Variants in GPAT3 observed in about 807,000 individuals in gnomAD.
GPAT3 encodes the protein 1-AGP acyltransferase 9.
In GPAT3, 53 loss-of-function variants were observed where a neutral mutation model predicts 58.8. The observed-to-expected ratio is 0.90, with a 90% confidence interval of 0.72 to 1.13. The LOEUF (loss-of-function observed/expected upper bound fraction) is 1.13. Ranked by LOEUF, GPAT3 falls within the 50% of genes most tolerant of loss-of-function variation. The probability of loss-of-function intolerance (pLI) is 0.00; values close to 1 mark genes in which losing one functional copy is unlikely to be tolerated. For missense variants in GPAT3, 511 were observed against 527.6 expected, an observed-to-expected ratio of 0.97 and a Z score of 0.31; for synonymous variants, 197 against 187.4, an observed-to-expected ratio of 1.05 and a Z score of -0.42.
intron 2 of GPAT3, among the ~76,000 whole-genome samples, chr4:83,547,465 G>A (rs1030358160): frequency 2.6e-5 from 4 of 151,520 alleles, no homozygotes; most frequent in African/African-American, 9.7e-5. Context: ...TGTTAGCCAG[G>A]ATGGTCTCGA....
At chr4:83,537,079 A>G (rs138310980) in intron 1 of GPAT3, among the ~76,000 whole-genome samples, 1 of 152,158 alleles carries the variant, frequency 6.6e-6, no homozygotes, top group African/African-American at 2.4e-5. Flanking sequence ...AACTTTTTGT[A>G]TCAGAGGATT....
At chr4:83,541,592 A>G (rs1374963966) in intron 1 of GPAT3, among the ~76,000 whole-genome samples, 1 of 152,116 alleles carries the variant, frequency 6.6e-6, no homozygotes, top group Non-Finnish European at 1.5e-5. Context: ...TAGAGCTATC[A>G]TTTCAGGAGA....
intron 11 of GPAT3, among the ~76,000 whole-genome samples, chr4:83,603,730 C>A (rs547593837): frequency 7.0e-6 from 1 of 143,744 alleles, no homozygotes; most frequent in African/African-American, 2.6e-5. Context: ...GTGGAGGTTG[C>A]GGTGAGCCAA....
chr4:83,554,504 A>C (rs62305328), intron 2 of GPAT3, among the ~76,000 whole-genome samples: 3,982 of 152,276 alleles, frequency 0.026, 59 homozygotes, highest in Non-Finnish European at 0.038. Context: ...CCTGTCAATA[A>C]TAATAATCAT....
In GPAT3 at chr4:83,545,221, G is replaced by A. The variant is rs889993609; in HGVS notation, c.208+619G>A. Reference sequence around the variant, plus strand: ...TGTGGGAGGCTGAGGCCGGCAGATCGCTTGGGCTCAGGAGTTCAAGACCAG... The same window carrying A: ...TGTGGGAGGCTGAGGCCGGCAGATCACTTGGGCTCAGGAGTTCAAGACCAG... On this transcript the variant is annotated intron_variant, in intron 2 of 11. Coordinates refer to ENST00000264409, the MANE Select transcript of GPAT3 (RefSeq NM_032717.5). 1.1e-4 allele frequency among the ~76,000 whole-genome samples: 16 copies of A among 152,216 alleles called. No homozygotes were observed. In the East Asian group the frequency reaches 2.9e-3, roughly 28 times the overall value.
intron 2 of GPAT3, among the ~76,000 whole-genome samples, chr4:83,546,141 T>C (rs1197886440): frequency 6.6e-6 from 1 of 152,052 alleles, no homozygotes; most frequent in Non-Finnish European, 1.5e-5. Flanking sequence ...TGCGCCACCA[T>C]GCCTGGCTAA....
In GPAT3 at chr4:83,587,543, C is replaced by T. The variant is rs566278135; in HGVS notation, c.554+214C>T. Among the ~76,000 whole-genome samples, 24 of 152,322 alleles carry T rather than the reference C, an allele frequency of 1.6e-4. No individual in the cohort carries two copies. The East Asian group carries it at 2.1e-3, about 13-fold the overall frequency. ...CTGGGTTCAAGAGATTCTCCTGCCT[C>T]AGCCTCCTGAGTAGCTGGGATTACA... is the stretch of plus-strand genomic sequence containing the variant. On this transcript the variant is annotated intron_variant, in intron 4 of 11. Coordinates refer to ENST00000264409, the MANE Select transcript of GPAT3 (RefSeq NM_032717.5).
At chr4:83,547,504 G>C (rs146753513) in intron 2 of GPAT3, among the ~76,000 whole-genome samples, 2 of 150,652 alleles carry the variant, frequency 1.3e-5, no homozygotes, top group African/African-American at 4.9e-5. Context: ...TGCCCACCTC[G>C]GCCTCCCAAA....
intron 2 of GPAT3, among the ~76,000 whole-genome samples, chr4:83,552,690 G>A (rs1724798724): frequency 6.6e-6 from 1 of 152,174 alleles, no homozygotes. Context: ...ATTTTGGAGG[G>A]AGCTTTACTT....
chr4:83,537,052 A>G (rs1023068326), intron 1 of GPAT3, among the ~76,000 whole-genome samples: 3 of 152,178 alleles, frequency 2.0e-5, no homozygotes, highest in Non-Finnish European at 4.4e-5. Flanking sequence ...ACTGATTAGA[A>G]TAACAACAAT....
At chr4:83,588,068 A>G (rs1185242273) in intron 4 of GPAT3, 142 bp from the exon 5 acceptor site, 12 of 642,330 alleles carry the variant, frequency 1.9e-5, no homozygotes, top group Admixed American at 6.0e-5. Context: ...ACAATTGACT[A>G]TAAGACTATA....
chr4:83,569,914 T>C (rs1725539839), intron 2 of GPAT3, among the ~76,000 whole-genome samples: 2 of 152,210 alleles, frequency 1.3e-5, no homozygotes, highest in South Asian at 4.1e-4. Flanking sequence ...AGTGCATGTC[T>C]AGATTAATGT....
chr4:83,586,128 A>G (rs1560625951), intron 3 of GPAT3, among the ~76,000 whole-genome samples: 1 of 152,192 alleles, frequency 6.6e-6, no homozygotes, highest in Non-Finnish European at 1.5e-5. Flanking sequence ...AAATGTGTTA[A>G]ATATAAAAGG....
rs540338981 is a variant in GPAT3, at chr4:83,579,403, C to G, written c.209-2159C>G. Among the ~76,000 whole-genome samples, 10 of 151,004 alleles carry G rather than the reference C, an allele frequency of 6.6e-5. No individual in the cohort carries two copies. The East Asian group carries it at 2.0e-3, about 30-fold the overall frequency. ...CATCTTCTGGGCTCAAGTGATCCCC[C>G]TGCCTCAGCCTCCCAAGTAGCTGGG... is the stretch of plus-strand genomic sequence containing the variant. On this transcript the variant is annotated intron_variant, in intron 2 of 11. Transcript: ENST00000264409.
chr4:83,574,114 A>G (rs1002934964), intron 2 of GPAT3, among the ~76,000 whole-genome samples: 2 of 152,188 alleles, frequency 1.3e-5, no homozygotes, highest in Admixed American at 6.6e-5. Context: ...GACCACTTCA[A>G]TCAAGGCTTC....
At chr4:83,564,188 G>GTAAA (rs1474580131) in intron 2 of GPAT3, among the ~76,000 whole-genome samples, 1 of 152,166 alleles carries the variant, frequency 6.6e-6, no homozygotes. Context: ...CACCAATGTT[G>GTAAA]TAAATATATG....
rs1425664868 is a variant in GPAT3 at position 83,596,907 on chromosome 4, C to T, written c.904C>T (p.Pro302Ser). 3 of 1,600,136 alleles carry T rather than the reference C, an allele frequency of 1.9e-6. No individual in the cohort carries two copies. The East Asian group carries it at 6.7e-5, about 36-fold the overall frequency. Residue 302 changes from proline (P) to serine (S), a missense_variant, in exon 8 of 12, where the codon CCT (proline) becomes TCT (serine). Transcript: ENST00000264409. ...GAAGAAACTACCCATACTAATTTTTCCTGAAGGTAAGAATGGGCCTGCCTC... is the reference window on the plus strand; with the variant it reads ...GAAGAAACTACCCATACTAATTTTTTCTGAAGGTAAGAATGGGCCTGCCTC... ...DKKKLPILIF[P>S]EGTCINNTSV...
chr4:83,536,456 A>G lies in GPAT3; in HGVS notation c.-167A>G, dbSNP rs1338803063. 9.8e-6 allele frequency: 14 copies of G among 1,430,900 alleles called. No homozygotes were observed. The highest frequency in any genetic ancestry group is 1.2e-5 in the Non-Finnish European group (13 of 1,098,054). 88.6% of individuals were successfully genotyped at this position (1,430,900 alleles called of 1,614,324 possible). On this transcript the variant is annotated 5_prime_UTR_variant, in exon 1 of 12. The change creates a new upstream start codon in the 5' untranslated region. Coordinates refer to ENST00000264409, the MANE Select transcript of GPAT3 (RefSeq NM_032717.5). ...AGGAGCCCAGGGAGGAAGGAAGGAT[A>G]TTGCCGTAATTCTGAAAGTTTTTTT...
At chr4:83,583,979 AAACAAC>A (rs940696195) in intron 3 of GPAT3, among the ~76,000 whole-genome samples, 1 of 152,106 alleles carries the variant, frequency 6.6e-6, no homozygotes. Flanking sequence ...CAAAAAAAAT[AAACAAC>A]AACAACAACA....
Sources: gnomAD v4.1 joint callset for allele counts (sites outside exome capture counted in the v4.1 genomes callset) on GRCh38, gnomAD v4.1.1 for gene constraint, MANE v1.5 for transcripts, NCBI Gene and HGNC (gene_info 2026-07-23, HGNC 2026-07-21) for gene names.